Variants in AREL1 observed in about 807,000 individuals in gnomAD.
The protein encoded by AREL1 is apoptosis resistant E3 ubiquitin protein ligase 1.
Under a neutral mutation model 99.0 loss-of-function variants are expected in AREL1, and 62 were observed. The observed-to-expected ratio is 0.63, with a 90% confidence interval of 0.51 to 0.77. The LOEUF (loss-of-function observed/expected upper bound fraction) is 0.77. AREL1 is among the 30% of genes least tolerant of loss of function. The pLI, the probability that AREL1 is intolerant of heterozygous loss-of-function variation, is 0.00. For missense variants in AREL1, 879 were observed against 1,027.6 expected, an observed-to-expected ratio of 0.86 and a Z score of 1.98; for synonymous variants, 380 against 376.5, an observed-to-expected ratio of 1.01 and a Z score of -0.11.
intron 3 of AREL1, among the ~76,000 whole-genome samples, chr14:74,685,138 C>G (rs1238316465): frequency 1.3e-5 from 2 of 152,332 alleles, no homozygotes; most frequent in East Asian, 3.9e-4. Flanking sequence ...CCCACAGAAG[C>G]AGTCAAAAGG....
rs190353475 is a variant in AREL1, at chr14:74,685,960, C to T, written c.-45-300G>A. On this transcript the variant is annotated intron_variant, in intron 2 of 19. Transcript: ENST00000356357. ...AACATGGCTTTCATCTTCTTAGATC[C>T]ATAGTTCCCAAGACAGTTTCCCTCC... Among the ~76,000 whole-genome samples the T allele has an allele frequency of 8.5e-4, 130 of 152,318 alleles. 3 individuals carry two copies. In the Middle Eastern group the frequency reaches 0.031, roughly 36 times the overall value.
At chr14:74,689,012 AT>A (rs80335637) in intron 2 of AREL1, among the ~76,000 whole-genome samples, 661 of 131,698 alleles carry the variant, frequency 5.0e-3, no homozygotes, top group Admixed American at 4.9e-3. Flanking sequence ...AATTTTTTGT[AT>A]TTTTTTTTTT....
Position 74,675,927 on chromosome 14 carries a change from G to C in AREL1, c.852C>G (p.Val284=). 2 of 1,598,316 alleles carry C rather than the reference G, an allele frequency of 1.3e-6. No homozygotes were observed. The highest frequency in any genetic ancestry group is 8.5e-7 in the Non-Finnish European group (1 of 1,170,874). The change falls in exon 8 of 20, where the codon GTC becomes GTG. Residue 284 remains valine, a synonymous_variant. Transcript: ENST00000356357. The part of the protein sequence containing the change: ...IVLSEDEKNI[V]ERNVSTSGVS... ...CGCCTGAAGTGGACACATTGCGTTC[G>C]ACGATATTCTTCTCATCCTCTGAAG...
intron 2 of AREL1, among the ~76,000 whole-genome samples, chr14:74,687,379 C>G (rs537624983): frequency 6.6e-6 from 1 of 152,160 alleles, no homozygotes; most frequent in Non-Finnish European, 1.5e-5. Context: ...CCCAGGACTG[C>G]AAACTGTGTG....
intron 18 of AREL1, 93 bp from the exon 19 acceptor site, chr14:74,664,167 G>C: frequency 8.7e-6 from 12 of 1,377,994 alleles, no homozygotes; most frequent in South Asian, 2.7e-5. Context: ...AAGTGGGGCT[G>C]TGCCCCAGTT....
chr14:74,710,286 T>C (rs528795412), intron 1 of AREL1, among the ~76,000 whole-genome samples: 1 of 152,194 alleles, frequency 6.6e-6, no homozygotes, highest in Non-Finnish European at 1.5e-5. Context: ...CTAATTTAGC[T>C]CCCTATTAGG....
chr14:74,669,992 G>C lies in AREL1; in HGVS notation c.1743C>G (p.Thr581=). 2 of 1,613,850 alleles carry C rather than the reference G, an allele frequency of 1.2e-6. No homozygotes were observed. The highest frequency in any genetic ancestry group is 1.7e-6 in the Non-Finnish European group (2 of 1,179,836). ...AYKQLVRARF[T]RSFLAQIIGL... ...CTATGATTTGGGCCAGGAAAGAGCG[G>C]GTGAAGCGAGCTCGGACCAACTGCT... The change falls in exon 14 of 20, where the codon ACC becomes ACG. Residue 581 remains threonine (T), a synonymous_variant. Transcript: ENST00000356357.
At chr14:74,689,722 G>T (rs1467110412) in intron 2 of AREL1, among the ~76,000 whole-genome samples, 1 of 146,742 alleles carries the variant, frequency 6.8e-6, no homozygotes, top group Non-Finnish European at 1.5e-5. Context: ...TCAGCCTCCC[G>T]AGTAGCTGGG....
intron 1 of AREL1, among the ~76,000 whole-genome samples, chr14:74,711,215 G>A (rs1322114334): frequency 5.9e-5 from 7 of 117,792 alleles, no homozygotes; most frequent in African/African-American, 1.7e-4. Context: ...TGGGTAACAA[G>A]AGCGAAACTA....
intron 5 of AREL1, chr14:74,678,144 T>C (rs1325561386): frequency 2.2e-6 from 1 of 449,384 alleles, no homozygotes. Context: ...ACTAAAACAA[T>C]TTTGAAAAAG....
chr14:74,672,972 A>G lies in AREL1; in HGVS notation c.1301-20T>C. On this transcript the variant is annotated intron_variant, in intron 10 of 19. Coordinates refer to ENST00000356357, the MANE Select transcript of AREL1 (RefSeq NM_001039479.2). ...AGCCTCCTGGGGAACAGCAAGATCCATCATTACAGCCTCATTACAAGCCAT... is the reference window on the plus strand; with the variant it reads ...AGCCTCCTGGGGAACAGCAAGATCCGTCATTACAGCCTCATTACAAGCCAT... 1 of 1,614,148 alleles carries G rather than the reference A, an allele frequency of 6.2e-7. No homozygotes were observed. The highest frequency in any genetic ancestry group is 8.5e-7 in the Non-Finnish European group (1 of 1,180,000).
chr14:74,692,824 C>T (rs2089910628), intron 1 of AREL1, among the ~76,000 whole-genome samples: 1 of 152,200 alleles, frequency 6.6e-6, no homozygotes. Context: ...CCGCCTCAGC[C>T]TCCCAAGTAG....
At chr14:74,677,652 G>A (rs1401438293) in intron 5 of AREL1, among the ~76,000 whole-genome samples, 10 of 151,096 alleles carry the variant, frequency 6.6e-5, no homozygotes, top group Non-Finnish European at 1.0e-4. Context: ...ACAGGCACCC[G>A]CCACTACACC....
chr14:74,704,099 A>G (rs544514314), intron 1 of AREL1, among the ~76,000 whole-genome samples: 1 of 151,998 alleles, frequency 6.6e-6, no homozygotes, highest in African/African-American at 2.4e-5. Flanking sequence ...TATTTTTTTC[A>G]TGTGTTTATT....
intron 1 of AREL1, among the ~76,000 whole-genome samples, chr14:74,711,223 C>CTGGG (rs1389893812): frequency 8.6e-6 from 1 of 115,762 alleles, no homozygotes; most frequent in African/African-American, 3.4e-5. Context: ...AAGAGCGAAA[C>CTGGG]TAACTCCGTC....
intron 6 of AREL1, 113 bp downstream of exon 6, chr14:74,676,470 C>G (rs921303251): frequency 1.5e-5 from 22 of 1,430,220 alleles, no homozygotes; most frequent in Non-Finnish European, 2.0e-5. Context: ...AAGATACAGA[C>G]AGCACAGAAG....
At chr14:74,673,268 A>G in intron 9 of AREL1, 50 bp from the exon 10 acceptor site, 1 of 1,597,446 alleles carries the variant, frequency 6.3e-7, no homozygotes. Context: ...CAAGGCCAGT[A>G]AAAGTCCTCC....
intron 5 of AREL1, chr14:74,678,255 G>A (rs960545200): frequency 2.2e-5 from 10 of 453,612 alleles, no homozygotes; most frequent in Non-Finnish European, 4.0e-5. Context: ...CCAACACTTT[G>A]GAAGGCCAAA....
intron 1 of AREL1, among the ~76,000 whole-genome samples, chr14:74,699,103 T>C (rs905325701): frequency 2.0e-5 from 3 of 152,162 alleles, no homozygotes; most frequent in African/African-American, 7.2e-5. Flanking sequence ...AGCATGAATC[T>C]TACTACTGAA....
Sources: allele counts gnomAD v4.1 joint callset (sites outside exome capture counted in the v4.1 genomes callset), GRCh38; gene constraint gnomAD v4.1.1; transcripts MANE v1.5; gene names NCBI Gene and HGNC (gene_info 2026-07-23, HGNC 2026-07-21).